SEC63: variants seen among roughly 807,000 people sequenced by gnomAD.
SEC63 encodes the protein translocation protein SEC63 homolog.
A neutral mutation model predicts 116.2 loss-of-function variants in SEC63; 56 were observed. That is an observed-to-expected ratio of 0.48 (90% CI 0.39 to 0.60). The LOEUF is 0.60. Ranked by LOEUF, SEC63 falls within the 20% of genes least tolerant of loss-of-function variation. The pLI is 0.00. For missense variants in SEC63, 668 were observed against 900.0 expected, an observed-to-expected ratio of 0.74 and a Z score of 3.30; for synonymous variants, 273 against 294.6, an observed-to-expected ratio of 0.93 and a Z score of 0.75.
Position 107,904,617 on chromosome 6 carries a change from T to C in SEC63, c.1054+12A>G, listed in dbSNP as rs1472708776. The C allele has an allele frequency of 7.0e-6, 11 of 1,581,298 alleles. No individual in the cohort carries two copies. Among genetic ancestry groups the C allele is most frequent in the Middle Eastern group, 1.7e-4 (1 of 6,010 alleles). ...AAAAAGTATAACATAATTAACTATA[T>C]TTCCTCCTCACCTTCACGGTTCCGG... On this transcript the variant is annotated intron_variant, in intron 11 of 20. Transcript: ENST00000369002.
intron 2 of SEC63, among the ~76,000 whole-genome samples, chr6:107,928,488 CAAAA>C (rs764402389): frequency 2.4e-5 from 2 of 84,816 alleles, no homozygotes. Flanking sequence ...GACTCTGTCT[CAAAA>C]AAAAAAAAAA....
chr6:107,949,407 A>T (rs1261056902), intron 1 of SEC63, among the ~76,000 whole-genome samples: 1 of 152,194 alleles, frequency 6.6e-6, no homozygotes, highest in Non-Finnish European at 1.5e-5. Flanking sequence ...TGAGAGTCCG[A>T]GACATAGATC....
chr6:107,923,709 TTG>T (rs1413233878), intron 3 of SEC63, among the ~76,000 whole-genome samples: 102 of 147,042 alleles, frequency 6.9e-4, no homozygotes, highest in African/African-American at 2.3e-3. Context: ...TTTTTTTTTT[TTG>T]ATACAGCCTG....
chr6:107,901,475 A>T lies in SEC63; in HGVS notation c.1252T>A (p.Ser418Thr). 6.2e-7 allele frequency: 1 copy of T among 1,607,446 alleles called. No homozygotes were observed. The highest frequency in any genetic ancestry group is 8.5e-7 in the Non-Finnish European group (1 of 1,174,170). Residue 418 changes from serine to threonine, a missense_variant, in exon 13 of 21, where the codon TCA (serine) becomes ACA (threonine). By Grantham distance (58) the Ser-to-Thr change is moderately conservative. Around this residue, in one of 5 missense-constraint regions of SEC63, gnomAD observed 430 missense variants for 557.5 expected, o/e 0.77. Transcript: ENST00000369002. ...TIQDLVSLKE[S>T]DRHTLLHFLE... ...AAGTGCAGTAGAGTGTGACGATCTG[A>T]TTCTTTTAAACTCACCAAATCCTGG...
At chr6:107,899,407 T>C (rs940262971) in intron 13 of SEC63, among the ~76,000 whole-genome samples, 1 of 152,236 alleles carries the variant, frequency 6.6e-6, no homozygotes, top group East Asian at 1.9e-4. Context: ...CTTCTAATAT[T>C]CATTTTTCTA....
chr6:107,909,887 C>T (rs1787235640), intron 7 of SEC63, among the ~76,000 whole-genome samples: 1 of 152,080 alleles, frequency 6.6e-6, no homozygotes. Flanking sequence ...ACAAAAGTAA[C>T]AAATGGTGAA....
At chr6:107,922,935 TA>T (rs1343368759) in intron 3 of SEC63, among the ~76,000 whole-genome samples, 7 of 151,858 alleles carry the variant, frequency 4.6e-5, no homozygotes, top group African/African-American at 7.3e-5. Flanking sequence ...TGAGCTTGGC[TA>T]CTAAGTAAGA....
intron 8 of SEC63, 83 bp downstream of exon 8, chr6:107,908,844 T>C (rs1787212453): frequency 2.6e-6 from 2 of 758,452 alleles, no homozygotes; most frequent in South Asian, 2.9e-5. Flanking sequence ...ATCTCAACAG[T>C]ATAGAGTTAA....
intron 19 of SEC63, among the ~76,000 whole-genome samples, chr6:107,875,582 G>A (rs549849532): frequency 5.3e-5 from 8 of 152,138 alleles, no homozygotes; most frequent in East Asian, 3.9e-4. Context: ...CGGGGTGCAC[G>A]TATGTAGTCC....
Position 107,909,022 on chromosome 6 carries a change from T to C in SEC63, c.638A>G (p.Tyr213Cys). Residue 213 changes from tyrosine (Y) to cysteine (C), a missense_variant, in exon 8 of 21, where the codon TAT (tyrosine) becomes TGT (cysteine). This residue lies in a region of SEC63 where 430 missense variants were observed against 557.5 expected (regional missense o/e 0.77). Transcript: ENST00000369002. ...ILPVVVGSWWYRSIRYSGDQI... is the reference protein window; with the variant it reads ...ILPVVVGSWWCRSIRYSGDQI... ...GTCTCCACTATAGCGTATTGAGCGA[T>C]ACCACCAAGAGCCCTAAAACACAAA... 6.2e-7 allele frequency: 1 copy of C among 1,610,840 alleles called. No individual in the cohort carries two copies. Among genetic ancestry groups the C allele is most frequent in the South Asian group, 1.1e-5 (1 of 90,950 alleles).
chr6:107,886,968 T>C (rs1261462826), intron 16 of SEC63, among the ~76,000 whole-genome samples: 2 of 152,140 alleles, frequency 1.3e-5, no homozygotes, highest in African/African-American at 2.4e-5. Flanking sequence ...CATGCCTATG[T>C]CCTGAGTGGT....
intron 4 of SEC63, among the ~76,000 whole-genome samples, chr6:107,915,558 A>G (rs527326518): frequency 4.6e-5 from 7 of 152,292 alleles, no homozygotes; most frequent in African/African-American, 1.4e-4. Context: ...ATCTGAGAGC[A>G]AAATCTCAAT....
At chr6:107,919,550 C>T (rs1024599849) in intron 4 of SEC63, among the ~76,000 whole-genome samples, 57 of 152,206 alleles carry the variant, frequency 3.7e-4, no homozygotes, top group African/African-American at 1.2e-3. Context: ...TGGCTGAGCA[C>T]GGTGGTTCAC....
At chr6:107,929,336 C>A in intron 2 of SEC63, 79 bp downstream of exon 2, 1 of 758,252 alleles carries the variant, frequency 1.3e-6, no homozygotes, top group South Asian at 1.5e-5. Flanking sequence ...ATGACTTATT[C>A]ATCATTACAC....
intron 1 of SEC63, among the ~76,000 whole-genome samples, chr6:107,953,717 G>A (rs1319940472): frequency 1.4e-5 from 2 of 140,516 alleles, no homozygotes; most frequent in Non-Finnish European, 3.2e-5. Flanking sequence ...CCCCCTGCCC[G>A]GCCAGCCGCC....
chr6:107,913,901 A>G (rs1034740253), intron 4 of SEC63, among the ~76,000 whole-genome samples: 1 of 152,198 alleles, frequency 6.6e-6, no homozygotes, highest in Non-Finnish European at 1.5e-5. Context: ...ACAAAACAAT[A>G]GCACCACATT....
At chr6:107,915,797 A>C (rs954851746) in intron 4 of SEC63, among the ~76,000 whole-genome samples, 1 of 152,180 alleles carries the variant, frequency 6.6e-6, no homozygotes, top group Non-Finnish European at 1.5e-5. Flanking sequence ...AGGAACTTCA[A>C]CTCAAGCACT....
intron 1 of SEC63, among the ~76,000 whole-genome samples, chr6:107,943,614 A>G (rs989068357): frequency 4.2e-4 from 64 of 152,226 alleles, no homozygotes; most frequent in Admixed American, 3.0e-3. Flanking sequence ...AAGAAACACT[A>G]CAATTTAAAA....
chr6:107,949,104 ACTTTG>A, intron 1 of SEC63, among the ~76,000 whole-genome samples: 3 of 152,338 alleles, frequency 2.0e-5, no homozygotes, highest in Admixed American at 2.0e-4. Context: ...CTACATCCAC[ACTTTG>A]TTTTCTAAAC....
Sources: allele counts gnomAD v4.1 joint callset (sites outside exome capture counted in the v4.1 genomes callset), GRCh38; gene constraint gnomAD v4.1.1; regional missense constraint gnomAD v4.1.1; transcripts MANE v1.5; gene names NCBI Gene and HGNC (gene_info 2026-07-23, HGNC 2026-07-21).